The following LDB1 variants were observed in gnomAD, a reference collection of about 807,000 sequenced individuals.
LDB1 encodes the protein LIM domain-binding protein 1.
In LDB1, 6 loss-of-function variants were observed where a neutral mutation model predicts 49.7. The observed-to-expected ratio is 0.12, with a 90% CI of 0.07 to 0.24. The LOEUF is 0.24. Ranked by LOEUF, LDB1 falls within the 10% of genes least tolerant of loss-of-function variation. The pLI is 1.00. For missense variants in LDB1, 341 were observed against 561.7 expected, an observed-to-expected ratio of 0.61 and a Z score of 3.97; for synonymous variants, 233 against 202.0, an observed-to-expected ratio of 1.15 and a Z score of -1.30.
intron 1 of LDB1, among the ~76,000 whole-genome samples, 175 bp downstream of exon 1, chr10:102,119,911 T>C (rs2068392891): frequency 6.6e-6 from 1 of 151,176 alleles, no homozygotes; most frequent in Non-Finnish European, 1.5e-5. Context: ...TGCTGCGCAT[T>C]TACACAGTTG....
chr10:102,117,746 C>T lies in LDB1; in HGVS notation c.25+2340G>A, dbSNP rs1484414600. 6.6e-6 allele frequency among the ~76,000 whole-genome samples: 1 copy of T among 152,218 alleles called. No homozygotes were observed. The highest frequency in any genetic ancestry group is 2.4e-5 in the African/African-American group (1 of 41,452). On this transcript the variant is annotated intron_variant, in intron 1 of 10. Coordinates refer to ENST00000673968, the MANE Select transcript of LDB1 (RefSeq NM_001113407.3). The surrounding 1 kb of genome is among the most constrained non-coding windows in gnomAD (Gnocchi z 4.2). ...GCTGCCCCAGACAGGCCCTGGCCCC[C>T]TCAGCCTCTTGCTCAGGGTGATGCC...
intron 1 of LDB1, among the ~76,000 whole-genome samples, chr10:102,115,287 G>A (rs2068322206): frequency 6.6e-6 from 1 of 152,118 alleles, no homozygotes; most frequent in Non-Finnish European, 1.5e-5. Context: ...GCCACTGGCA[G>A]AGATGGAGGA....
intron 3 of LDB1, 40 bp downstream of exon 3, chr10:102,111,216 C>T (rs753574951): frequency 6.2e-7 from 1 of 1,613,356 alleles, no homozygotes; most frequent in East Asian, 2.2e-5. Context: ...CGGCCTTCAC[C>T]CAGTGGAAAG....
chr10:102,112,582 C>T (rs1316492486), intron 1 of LDB1, among the ~76,000 whole-genome samples: 1 of 152,054 alleles, frequency 6.6e-6, no homozygotes, highest in African/African-American at 2.4e-5. Flanking sequence ...CGGCCACTCC[C>T]TTATCAGCCC....
chr10:102,116,811 C>T lies in LDB1; in HGVS notation c.25+3275G>A, dbSNP rs535214570. Among the ~76,000 whole-genome samples the T allele has an allele frequency of 2.6e-5, 4 of 152,236 alleles. 1 individual carries two copies. The South Asian group carries it at 6.2e-4, about 24-fold the overall frequency. ...AGACCCTGCAACATACAGCCTATCA[C>T]CAGGACTTAAGACACTCCCACTGAC... On this transcript the variant is annotated intron_variant, in intron 1 of 10. Coordinates refer to ENST00000673968, the MANE Select transcript of LDB1 (RefSeq NM_001113407.3).
At chr10:102,108,670 G>A (rs995646117) in intron 10 of LDB1, among the ~76,000 whole-genome samples, 3 of 152,206 alleles carry the variant, frequency 2.0e-5, no homozygotes, top group Non-Finnish European at 2.9e-5. Context: ...GGCAGTGTGT[G>A]CATGTGCAAG....
chr10:102,111,237 C>T lies in LDB1; in HGVS notation c.173+19G>A, dbSNP rs569011951. The T allele has an allele frequency of 1.2e-6, 2 of 1,613,816 alleles. No homozygotes were observed. The highest frequency in any genetic ancestry group is 1.7e-6 in the Non-Finnish European group (2 of 1,179,676). The stretch of plus-strand genomic sequence containing the variant: ...TCACCCAGTGGAAAGCACCTTCTTC[C>T]CCACTGGACTCCACTTACCCAATCC... On this transcript the variant is annotated intron_variant, in intron 3 of 10. Transcript: ENST00000673968.
At chr10:102,121,279 C>A (rs1012198841), upstream of LDB1, among the ~76,000 whole-genome samples, 1 of 152,104 alleles carries the variant, frequency 6.6e-6, no homozygotes, top group Non-Finnish European at 1.5e-5. Flanking sequence ...GGTGCCTTCA[C>A]CTCCGTACCA....
downstream of LDB1, among the ~76,000 whole-genome samples, chr10:102,105,090 C>A (rs1038014437): frequency 6.6e-6 from 1 of 152,192 alleles, no homozygotes; most frequent in Admixed American, 6.5e-5. Flanking sequence ...CAGGCCCTCC[C>A]TAGCTCAGCA....
intron 10 of LDB1, among the ~76,000 whole-genome samples, chr10:102,108,799 T>C (rs1360432369): frequency 6.6e-6 from 1 of 152,156 alleles, no homozygotes; most frequent in Non-Finnish European, 1.5e-5. Flanking sequence ...TCCTCATGGG[T>C]GTCTCTGTCC....
rs2068212135 is a variant in LDB1 at position 102,109,081 on chromosome 10, T to C, written c.953A>G (p.Asn318Ser). The part of the protein sequence containing the change: ...SSGGGNTNNS[N>S]SKKKSPASTF... The stretch of plus-strand genomic sequence containing the variant: ...GCTAGCTGGGCTCTTCTTCTTGCTG[T>C]TGCTGTTGTTGGTGTTGCCACCACC... Residue 318 changes from asparagine to serine, a missense_variant, in exon 10 of 11, where the codon AAC becomes AGC. Physicochemically the swap from Asn to Ser is conservative, Grantham distance 46 (BLOSUM62 1). Around this residue, in one of 5 missense-constraint regions of LDB1, gnomAD observed 233 missense variants for 385.7 expected, o/e 0.60. Transcript: ENST00000673968. The surrounding 1 kb of genome is among the most constrained non-coding windows in gnomAD (Gnocchi z 5.8). The C allele has an allele frequency of 6.2e-7, 1 of 1,614,206 alleles. No homozygotes were observed. The highest frequency in any genetic ancestry group is 8.5e-7 in the Non-Finnish European group (1 of 1,180,036).
At chr10:102,120,949 C>T (rs1039039414), upstream of LDB1, among the ~76,000 whole-genome samples, 7 of 152,190 alleles carry the variant, frequency 4.6e-5, no homozygotes, top group Admixed American at 6.5e-5. Context: ...CCCCTTGTTT[C>T]GCGTCCCTAC....
In LDB1 at chr10:102,106,761, A is replaced by G. The variant is rs1021691463; in HGVS notation, c.*1332T>C. Among the ~76,000 whole-genome samples the G allele has an allele frequency of 6.6e-6, 1 of 151,894 alleles. No homozygotes were observed. The highest frequency in any genetic ancestry group is 1.5e-5 in the Non-Finnish European group (1 of 67,984). On this transcript the variant is annotated 3_prime_UTR_variant, in exon 11 of 11. Coordinates refer to ENST00000673968, the MANE Select transcript of LDB1 (RefSeq NM_001113407.3). ...AGCACTTCCTGGGACTGGCCACAGG[A>G]AAAGGCAGCAAAGCCACAGAGCTGG... is the stretch of plus-strand genomic sequence containing the variant.
chr10:102,110,796 C>T (rs1209456271), intron 5 of LDB1, 73 bp downstream of exon 5: 1 of 1,582,228 alleles, frequency 6.3e-7, no homozygotes, highest in Non-Finnish European at 8.7e-7. Flanking sequence ...CTGGCACTCC[C>T]AGACCCACTT....
chr10:102,103,220 G>T (rs1306909739), downstream of LDB1, among the ~76,000 whole-genome samples: 1 of 151,928 alleles, frequency 6.6e-6, no homozygotes, highest in Non-Finnish European at 1.5e-5. Context: ...TAGAGATGGG[G>T]TTTCACCATG....
chr10:102,118,829 G>A (rs1471997071), intron 1 of LDB1, among the ~76,000 whole-genome samples: 1 of 152,182 alleles, frequency 6.6e-6, no homozygotes, highest in Non-Finnish European at 1.5e-5. Context: ...GACGGGGCCA[G>A]ACAGGATTCC....
At chr10:102,114,812 G>GGGGGCCCCCCCCCCCC in intron 1 of LDB1, 76 of 929,782 alleles carry the variant, frequency 8.2e-5, no homozygotes, top group Non-Finnish European at 9.0e-5. Flanking sequence ...CCTCCGAGCA[G>GGGGGCCCCCCCCCCCC]CCCGCCCGCC....
downstream of LDB1, among the ~76,000 whole-genome samples, chr10:102,104,898 T>G (rs916761048): frequency 3.3e-5 from 5 of 152,164 alleles, no homozygotes; most frequent in Non-Finnish European, 5.9e-5. Flanking sequence ...CAGTCACATC[T>G]TCTCTGCTTT....
rs565556978 is a variant in LDB1 at position 102,111,545 on chromosome 10, G to A, written c.26-9C>T. 15 of 1,505,652 alleles carry A rather than the reference G, an allele frequency of 1.0e-5. No homozygotes were observed. In the Admixed American group the frequency reaches 1.1e-4, roughly 11 times the overall value. The allele number at this position is 1,505,652 out of a possible 1,614,324, so 93.3% of individuals were successfully genotyped here. A position where few individuals can be genotyped will look rare whatever the true frequency, so the allele number is the denominator to read the frequency against. On this transcript the variant is annotated splice_polypyrimidine_tract_variant and intron_variant, in intron 1 of 10. Transcript: ENST00000673968. ...TGACTTTGAGGAACAACCTAGACGA[G>A]AAAGAAAGGAGTCATAGCTGGGCGC...
Sources: allele counts gnomAD v4.1 joint callset (sites outside exome capture counted in the v4.1 genomes callset), GRCh38; gene constraint gnomAD v4.1.1; regional missense constraint gnomAD v4.1.1; non-coding constraint Gnocchi (gnomAD v3.1); transcripts MANE v1.5; gene names NCBI Gene and HGNC (gene_info 2026-07-23, HGNC 2026-07-21).